The following FAM168A variants were observed in gnomAD, a reference collection of about 807,000 sequenced individuals.
FAM168A encodes family with sequence similarity 168 member A.
FAM168A carries 3 observed loss-of-function variants against 28.5 expected under a neutral mutation model. That is an observed-to-expected ratio of 0.11 (90% CI 0.05 to 0.27). FAM168A has a LOEUF of 0.27. FAM168A is among the 10% of genes least tolerant of loss of function. The pLI, the probability that FAM168A is intolerant of heterozygous loss-of-function variation, is 1.00. For synonymous variants in FAM168A, 122 were observed against 124.2 expected, an observed-to-expected ratio of 0.98 and a Z score of 0.12; for missense variants, 222 against 311.5, an observed-to-expected ratio of 0.71 and a Z score of 2.16.
intron 1 of FAM168A, among the ~76,000 whole-genome samples, chr11:73,523,018 AAAAACAAAAC>A (rs1318968520): frequency 6.6e-6 from 1 of 152,062 alleles, no homozygotes; most frequent in Non-Finnish European, 1.5e-5. Context: ...GTCTCAAACA[AAAAACAAAAC>A]AAAACAAAAC....
chr11:73,499,940 A>G (rs1854972692), intron 1 of FAM168A, among the ~76,000 whole-genome samples: 1 of 152,196 alleles, frequency 6.6e-6, no homozygotes, highest in South Asian at 2.1e-4. Context: ...ACAAGCTGGA[A>G]AACACACTCC....
At chr11:73,473,849 T>C (rs1408867610) in intron 1 of FAM168A, among the ~76,000 whole-genome samples, 1 of 151,950 alleles carries the variant, frequency 6.6e-6, no homozygotes, top group Admixed American at 6.6e-5. Flanking sequence ...AGTCTCGCTC[T>C]GTTGCCCAGG....
At chr11:73,488,677 A>C (rs1868087316) in intron 1 of FAM168A, among the ~76,000 whole-genome samples, 1 of 152,068 alleles carries the variant, frequency 6.6e-6, no homozygotes, top group Non-Finnish European at 1.5e-5. Flanking sequence ...CCACGTTCCA[A>C]CCTTCCAGTG....
chr11:73,423,513 C>A (rs532590010), intron 3 of FAM168A, among the ~76,000 whole-genome samples: 1 of 152,300 alleles, frequency 6.6e-6, no homozygotes, highest in Middle Eastern at 3.4e-3. Context: ...GCCACAGAAA[C>A]TGCTTATCAT....
At chr11:73,566,869 G>C (rs1401853521) in intron 1 of FAM168A, among the ~76,000 whole-genome samples, 1 of 152,200 alleles carries the variant, frequency 6.6e-6, no homozygotes, top group East Asian at 1.9e-4. Context: ...CTGGAAAAGA[G>C]AGCAACAACT....
chr11:73,473,846 C>T (rs1001534236), intron 1 of FAM168A, among the ~76,000 whole-genome samples: 2 of 151,588 alleles, frequency 1.3e-5, no homozygotes, highest in African/African-American at 2.4e-5. Context: ...TGGAGTCTCG[C>T]TCTGTTGCCC....
intron 3 of FAM168A, among the ~76,000 whole-genome samples, chr11:73,421,072 G>A (rs907884014): frequency 1.0e-5 from 1 of 100,370 alleles, no homozygotes; most frequent in Non-Finnish European, 2.0e-5. Context: ...ATAAAGTCTT[G>A]GGGGGGGGGT....
intron 2 of FAM168A, among the ~76,000 whole-genome samples, chr11:73,442,955 G>GACATAT (rs1280345663): frequency 2.5e-5 from 1 of 40,228 alleles, no homozygotes; most frequent in Non-Finnish European, 5.3e-5. Context: ...ATATACAAAG[G>GACATAT]ATATATATAT....
chr11:73,525,756 C>T (rs1470750435), intron 1 of FAM168A, among the ~76,000 whole-genome samples: 2 of 152,168 alleles, frequency 1.3e-5, no homozygotes, highest in African/African-American at 2.4e-5. Context: ...ACCTCTTTTC[C>T]ATCTTCCAAA....
At chr11:73,555,502 C>A (rs997243087) in intron 1 of FAM168A, among the ~76,000 whole-genome samples, 2 of 151,632 alleles carry the variant, frequency 1.3e-5, no homozygotes, top group African/African-American at 4.8e-5. Flanking sequence ...GTCAGGAGCT[C>A]GAGACCAGCC....
intron 1 of FAM168A, among the ~76,000 whole-genome samples, chr11:73,534,839 G>T (rs556172198): frequency 3.3e-4 from 50 of 152,192 alleles, no homozygotes; most frequent in Non-Finnish European, 6.2e-4. Context: ...TCCCTCTGGA[G>T]AGAGTAAAAC....
At chr11:73,487,372 C>T in intron 1 of FAM168A, among the ~76,000 whole-genome samples, 1 of 152,148 alleles carries the variant, frequency 6.6e-6, no homozygotes, top group Non-Finnish European at 1.5e-5. Context: ...TCTCACTTCT[C>T]ACCTTCCCCT....
chr11:73,597,613 C>T (rs1264567239), intron 1 of FAM168A, among the ~76,000 whole-genome samples: 2 of 151,926 alleles, frequency 1.3e-5, no homozygotes, highest in African/African-American at 4.8e-5. Flanking sequence ...TCATCTTCCA[C>T]CTCGCCCCAA....
At chr11:73,488,914 A>C (rs1205216860) in intron 1 of FAM168A, among the ~76,000 whole-genome samples, 2 of 152,164 alleles carry the variant, frequency 1.3e-5, no homozygotes, top group Non-Finnish European at 2.9e-5. Flanking sequence ...CTTGAGACGG[A>C]GTCTTGCTTT....
At chr11:73,412,463 C>G (rs964430992) in intron 4 of FAM168A, among the ~76,000 whole-genome samples, 1 of 152,328 alleles carries the variant, frequency 6.6e-6, no homozygotes, top group African/African-American at 2.4e-5. Flanking sequence ...GCCTTTTAAT[C>G]CTCCGGAAAA....
intron 4 of FAM168A, among the ~76,000 whole-genome samples, chr11:73,417,739 T>G (rs967456700): frequency 6.6e-6 from 1 of 152,078 alleles, no homozygotes; most frequent in Non-Finnish European, 1.5e-5. Flanking sequence ...TTTTGTATTT[T>G]TAGTAGAGAT....
intron 4 of FAM168A, among the ~76,000 whole-genome samples, chr11:73,417,368 A>G (rs1402118864): frequency 3.3e-5 from 5 of 152,306 alleles, no homozygotes; most frequent in Non-Finnish European, 2.9e-5. Flanking sequence ...CTAGAATTCA[A>G]TGCAGCTTCC....
intron 1 of FAM168A, among the ~76,000 whole-genome samples, chr11:73,563,739 G>A (rs1205418018): frequency 6.6e-6 from 1 of 152,176 alleles, no homozygotes; most frequent in Non-Finnish European, 1.5e-5. Context: ...AAAAGAAACT[G>A]AGACTAAGAA....
chr11:73,497,038 G>A (rs185861275), intron 1 of FAM168A, among the ~76,000 whole-genome samples: 3 of 152,192 alleles, frequency 2.0e-5, no homozygotes, highest in African/African-American at 7.2e-5. Context: ...GAAAACACTC[G>A]CTTCAAAATA....
Sources: allele counts gnomAD v4.1 joint callset (sites outside exome capture counted in the v4.1 genomes callset), GRCh38; gene constraint gnomAD v4.1.1; transcripts MANE v1.5; gene names NCBI Gene and HGNC (gene_info 2026-07-23, HGNC 2026-07-21).